DRC3: variants seen among roughly 807,000 people sequenced by gnomAD.
The protein encoded by DRC3 is leucine rich repeat containing 48.
A neutral mutation model predicts 57.6 loss-of-function variants in DRC3; 45 were observed. The observed-to-expected ratio is 0.78, with a 90% confidence interval of 0.62 to 1.00. The LOEUF is 1.00. Among genes scored for constraint, DRC3 ranks in the 50% least tolerant of loss-of-function variants. The probability of loss-of-function intolerance (pLI) is 0.00; values close to 1 mark genes in which losing one functional copy is unlikely to be tolerated. For synonymous variants in DRC3, 257 were observed against 272.3 expected, an observed-to-expected ratio of 0.94 and a Z score of 0.55; for missense variants, 655 against 675.2, an observed-to-expected ratio of 0.97 and a Z score of 0.33.
chr17:17,976,214 TGGG>T (rs1425946899), intron 2 of DRC3, among the ~76,000 whole-genome samples: 1 of 152,068 alleles, frequency 6.6e-6, no homozygotes, highest in Non-Finnish European at 1.5e-5. Flanking sequence ...GGGTGGAAAG[TGGG>T]GGAAAATATC....
At chr17:18,015,820 G>A (rs977619839) in intron 12 of DRC3, 20 of 434,350 alleles carry the variant, frequency 4.6e-5, no homozygotes, top group Non-Finnish European at 8.4e-5. Context: ...TTCCAGCGGG[G>A]ACTGCAAAGT....
chr17:17,996,283 TG>T (rs1318274642), intron 8 of DRC3, among the ~76,000 whole-genome samples: 2 of 152,210 alleles, frequency 1.3e-5, no homozygotes. Context: ...TCCAAAGTGT[TG>T]GGATTACAGG....
At chr17:17,999,230 G>A (rs1049565890) in intron 9 of DRC3, among the ~76,000 whole-genome samples, 10 of 152,140 alleles carry the variant, frequency 6.6e-5, no homozygotes, top group African/African-American at 1.9e-4. Flanking sequence ...CCTTCATTGC[G>A]GGCCAGCTCC....
At chr17:17,977,481 T>C in intron 2 of DRC3, 101 bp from the exon 3 acceptor site, 1 of 1,360,600 alleles carries the variant, frequency 7.3e-7, no homozygotes, top group African/African-American at 1.4e-5. Context: ...TTCCTCAGAG[T>C]GCCAGTGGCC....
chr17:17,977,085 T>C (rs1488556811), intron 2 of DRC3, among the ~76,000 whole-genome samples: 2 of 152,170 alleles, frequency 1.3e-5, no homozygotes, highest in Non-Finnish European at 2.9e-5. Context: ...CAGGAGAAGC[T>C]TGTGGTGTGG....
At chr17:17,983,641 C>T (rs565681244) in intron 3 of DRC3, among the ~76,000 whole-genome samples, 187 bp from the exon 4 acceptor site, 1 of 152,268 alleles carries the variant, frequency 6.6e-6, no homozygotes, top group East Asian at 1.9e-4. Flanking sequence ...CAGTACCGAT[C>T]CCCGCCCACC....
At chr17:18,007,590 T>A in intron 12 of DRC3, 1 of 1,456,706 alleles carries the variant, frequency 6.9e-7, no homozygotes, top group South Asian at 1.4e-5. Context: ...CACCAGCACA[T>A]CCACTGATGA....
rs754563427 is a variant in DRC3 at position 17,983,839 on chromosome 17, A to G, written c.172A>G (p.Ile58Val). Residue 58 changes from isoleucine to valine, a missense_variant, in exon 4 of 14, where the codon ATA (isoleucine) becomes GTA (valine). Coordinates refer to ENST00000399187, the MANE Select transcript of DRC3 (RefSeq NM_031294.4). ...LQLDFRNILR[I>V]DNLWQFENLR... The stretch of plus-strand genomic sequence containing the variant: ...TTCCATTATTTCAGACATCCTCCGC[A>G]TAGACAACCTCTGGCAGTTTGAGAA... 29 of 1,612,446 alleles carry G rather than the reference A, an allele frequency of 1.8e-5. No individual in the cohort carries two copies. The highest frequency in any genetic ancestry group is 3.3e-5 in the Admixed American group (2 of 59,942).
rs960562539 is a variant in DRC3, at chr17:18,002,171, G to GA, written c.1000-2182dup. ...TGACAGTGTGAGACTCTGTCTCAAAGAAAAAAAAAATCTCCCAGGTTTTCT... is the reference window on the plus strand; with the variant it reads ...TGACAGTGTGAGACTCTGTCTCAAAGAAAAAAAAAAATCTCCCAGGTTTTCT... On this transcript the variant is annotated intron_variant, in intron 9 of 13. Coordinates refer to ENST00000399187, the MANE Select transcript of DRC3 (RefSeq NM_031294.4). 1.0e-3 allele frequency among the ~76,000 whole-genome samples: 151 copies of GA among 148,094 alleles called. 1 individual carries two copies. The highest frequency in any genetic ancestry group is 9.9e-4 in the East Asian group (5 of 5,056).
chr17:18,006,216 G>A lies in DRC3; in HGVS notation c.1165G>A (p.Asp389Asn). 1 of 1,612,576 alleles carries A rather than the reference G, an allele frequency of 6.2e-7. No individual in the cohort carries two copies. Among genetic ancestry groups the A allele is most frequent in the Non-Finnish European group, 8.5e-7 (1 of 1,178,980 alleles). The stretch of plus-strand genomic sequence containing the variant: ...AAACATGTTTGAAAGGAACATTGTT[G>A]ACATGGTAGGACTGTTTATCGAAAA... ...TINMFERNIV[D>N]MVGLFIENVQ... Residue 389 changes from aspartate to asparagine, a missense_variant, in exon 11 of 14, where the codon GAC becomes AAC. By Grantham distance (23) the Asp-to-Asn change is conservative. Coordinates refer to ENST00000399187, the MANE Select transcript of DRC3 (RefSeq NM_031294.4).
At chr17:17,991,116 C>G (rs745586699) in intron 5 of DRC3, among the ~76,000 whole-genome samples, 23 of 152,126 alleles carry the variant, frequency 1.5e-4, no homozygotes, top group Non-Finnish European at 3.1e-4. Context: ...TTAGCACATG[C>G]CGGAGGCCTG....
chr17:17,973,676 G>T (rs2042245233), intron 1 of DRC3, 176 bp from the exon 2 acceptor site: 1 of 151,934 alleles, frequency 6.6e-6, no homozygotes, highest in Non-Finnish European at 1.5e-5. Flanking sequence ...GTCTTCCTAT[G>T]TTGCCCGGGC....
At chr17:17,980,513 T>C (rs1045278822) in intron 3 of DRC3, among the ~76,000 whole-genome samples, 16 of 152,062 alleles carry the variant, frequency 1.1e-4, no homozygotes, top group Admixed American at 2.6e-4. Flanking sequence ...CAGGCTGGTT[T>C]CGAACTCCTG....
intron 12 of DRC3, chr17:18,007,857 C>T (rs1297486351): frequency 3.0e-6 from 3 of 1,007,556 alleles, no homozygotes; most frequent in Non-Finnish European, 2.4e-6. Context: ...CTCTCTGTCG[C>T]GACATCACCA....
At chr17:17,978,341 G>A (rs995889519) in intron 3 of DRC3, among the ~76,000 whole-genome samples, 6 of 152,154 alleles carry the variant, frequency 3.9e-5, no homozygotes, top group Non-Finnish European at 5.9e-5. Context: ...TCCCTGTCTC[G>A]AGCATTGGGT....
intron 10 of DRC3, chr17:18,005,488 C>G (rs534996773): frequency 2.0e-5 from 3 of 152,262 alleles, no homozygotes; most frequent in African/African-American, 7.2e-5. Flanking sequence ...GAGATCACAT[C>G]TTCCATTGTT....
Position 17,995,058 on chromosome 17 carries a change from C to T in DRC3, c.771C>T (p.Asp257=), listed in dbSNP as rs771078867. Residue 257 remains aspartate (D), a synonymous_variant, in exon 8 of 14, where the codon GAC becomes GAT. Coordinates refer to ENST00000399187, the MANE Select transcript of DRC3 (RefSeq NM_031294.4). ...SFLFDSMYAE[D]SEGNNLSYLP... ...TGTTTGACAGCATGTACGCTGAGGA[C>T]TCAGAGGGCAACAATCTGTCCTACC... The T allele has an allele frequency of 6.2e-7, 1 of 1,614,012 alleles. No individual in the cohort carries two copies. The highest frequency in any genetic ancestry group is 8.5e-7 in the Non-Finnish European group (1 of 1,179,870).
chr17:17,980,285 G>GTT (rs541055069), intron 3 of DRC3, among the ~76,000 whole-genome samples: 153 of 145,432 alleles, frequency 1.1e-3, no homozygotes, highest in East Asian at 2.1e-3. Context: ...TATTGTTGTT[G>GTT]TTTTTTTTTT....
chr17:17,998,438 C>CTTA (rs1221273996), intron 9 of DRC3, among the ~76,000 whole-genome samples: 1 of 152,168 alleles, frequency 6.6e-6, no homozygotes, highest in Non-Finnish European at 1.5e-5. Context: ...AGACAGGATG[C>CTTA]TTAGCCTGTT....
Sources: gnomAD v4.1 joint callset for allele counts (sites outside exome capture counted in the v4.1 genomes callset) on GRCh38, gnomAD v4.1.1 for gene constraint, MANE v1.5 for transcripts, NCBI Gene and HGNC (gene_info 2026-07-23, HGNC 2026-07-21) for gene names.